LYRM7: variants seen among roughly 807,000 people sequenced by gnomAD.
The protein encoded by LYRM7 is complex III assembly factor LYRM7.
A neutral mutation model predicts 15.8 loss-of-function variants in LYRM7; 9 were observed. The observed-to-expected ratio is 0.57, with a 90% CI of 0.34 to 0.99. The LOEUF (loss-of-function observed/expected upper bound fraction) is 0.99, where lower values mean the gene tolerates loss of function less well. Ranked by LOEUF, LYRM7 falls within the 50% of genes least tolerant of loss-of-function variation. The pLI, the probability that LYRM7 is intolerant of heterozygous loss-of-function variation, is 0.02. For synonymous variants in LYRM7, 39 were observed against 39.4 expected, an observed-to-expected ratio of 0.99 and a Z score of 0.04; for missense variants, 115 against 119.1, an observed-to-expected ratio of 0.97 and a Z score of 0.16.
chr5:131,171,007 C>T lies in LYRM7; in HGVS notation c.-14C>T, dbSNP rs767706403. 9.1e-5 allele frequency: 140 copies of T among 1,544,600 alleles called. 3 individuals carry two copies. The highest frequency in any genetic ancestry group is 2.5e-5 in the South Asian group (2 of 80,886). ...TCGACTGCTCTGGAGGTAGCGGCCG[C>T]GGTGAGGAGAGCCATGGGACGGGCA... On this transcript the variant is annotated 5_prime_UTR_variant, in exon 1 of 5. Coordinates refer to ENST00000379380, the MANE Select transcript of LYRM7 (RefSeq NM_181705.4).
At chr5:131,184,293 G>A (rs2149662407) in intron 3 of LYRM7, among the ~76,000 whole-genome samples, 1 of 152,272 alleles carries the variant, frequency 6.6e-6, no homozygotes. Flanking sequence ...TTAGGTTGAA[G>A]TATATGAAGA....
chr5:131,184,523 G>T, intron 3 of LYRM7, among the ~76,000 whole-genome samples: 1 of 151,956 alleles, frequency 6.6e-6, no homozygotes, highest in East Asian at 1.9e-4. Context: ...TTAATACTAC[G>T]CCTTGACATG....
intron 4 of LYRM7, among the ~76,000 whole-genome samples, chr5:131,196,395 C>T (rs1000559985): frequency 6.6e-6 from 1 of 152,070 alleles, no homozygotes; most frequent in Admixed American, 6.6e-5. Flanking sequence ...ATTTTCCAGA[C>T]CATGTGACAC....
At chr5:131,172,868 T>C (rs1171445368) in intron 1 of LYRM7, among the ~76,000 whole-genome samples, 1 of 152,218 alleles carries the variant, frequency 6.6e-6, no homozygotes, top group Non-Finnish European at 1.5e-5. Flanking sequence ...TCATCTACAC[T>C]GCCTGAATTG....
chr5:131,172,203 C>T (rs1207987330), intron 1 of LYRM7, among the ~76,000 whole-genome samples: 1 of 152,160 alleles, frequency 6.6e-6, no homozygotes, highest in East Asian at 1.9e-4. Flanking sequence ...CACATGAGGT[C>T]GAGAGTTCGA....
At chr5:131,174,717 G>T (rs963882565) in intron 1 of LYRM7, among the ~76,000 whole-genome samples, 7 of 152,016 alleles carry the variant, frequency 4.6e-5, no homozygotes, top group Non-Finnish European at 8.8e-5. Flanking sequence ...TGTGGCATGC[G>T]CCTGTGCTCC....
intron 4 of LYRM7, among the ~76,000 whole-genome samples, chr5:131,195,718 A>G (rs756636293): frequency 6.6e-6 from 1 of 152,212 alleles, no homozygotes; most frequent in Non-Finnish European, 1.5e-5. Flanking sequence ...TGTGCATGGA[A>G]ATGACTGGAA....
At position 131,194,871 on chromosome 5, in the gene LYRM7, C is replaced by A. The variant is rs1487769705; in HGVS notation, c.245-4660C>A. Among the ~76,000 whole-genome samples, 3 of 152,194 alleles carry A rather than the reference C, an allele frequency of 2.0e-5. No homozygotes were observed. In the South Asian group the frequency reaches 6.2e-4, roughly 31 times the overall value. ...CAATTTGAAACAACCTGTTTAATGC[C>A]TTTCCAGCTTCTAAGCAGCCAGAGG... On this transcript the variant is annotated intron_variant, in intron 4 of 4. Coordinates refer to ENST00000379380, the MANE Select transcript of LYRM7 (RefSeq NM_181705.4).
intron 1 of LYRM7, among the ~76,000 whole-genome samples, chr5:131,175,820 A>T (rs1042148559): frequency 6.6e-6 from 1 of 151,548 alleles, no homozygotes; most frequent in African/African-American, 2.4e-5. Flanking sequence ...GTGCAGTGGC[A>T]CCATCTCGGC....
intron 3 of LYRM7, among the ~76,000 whole-genome samples, chr5:131,184,127 A>G (rs1267214949): frequency 6.6e-6 from 1 of 151,878 alleles, no homozygotes; most frequent in Non-Finnish European, 1.5e-5. Flanking sequence ...ATGCTACCAC[A>G]CCCAGCTAAT....
chr5:131,186,882 T>C, intron 3 of LYRM7, 146 bp from the exon 4 acceptor site: 1 of 583,658 alleles, frequency 1.7e-6, no homozygotes, highest in Middle Eastern at 4.5e-4. Flanking sequence ...CAGACCACAG[T>C]TGACCACGGA....
In LYRM7 at chr5:131,171,001, C is replaced by T. The variant is rs1474859989; in HGVS notation, c.-20C>T. On this transcript the variant is annotated 5_prime_UTR_variant, in exon 1 of 5. Coordinates refer to ENST00000379380, the MANE Select transcript of LYRM7 (RefSeq NM_181705.4). ...GGCTACTCGACTGCTCTGGAGGTAG[C>T]GGCCGCGGTGAGGAGAGCCATGGGA... 1.9e-6 allele frequency: 3 copies of T among 1,542,256 alleles called. No individual in the cohort carries two copies. Among genetic ancestry groups the T allele is most frequent in the Admixed American group, 2.2e-5 (1 of 46,284 alleles).
At chr5:131,193,736 G>A (rs1464711511) in intron 4 of LYRM7, among the ~76,000 whole-genome samples, 2 of 152,054 alleles carry the variant, frequency 1.3e-5, no homozygotes, top group Non-Finnish European at 2.9e-5. Context: ...GGCCGGGTGC[G>A]GTGGGTCACG....
rs1756026928 is a variant in LYRM7 at position 131,199,666 on chromosome 5, C to G, written c.*65C>G. 8.9e-7 allele frequency: 1 copy of G among 1,122,246 alleles called. No individual in the cohort carries two copies. The highest frequency in any genetic ancestry group is 1.3e-6 in the Non-Finnish European group (1 of 774,944). 69.5% of individuals were successfully genotyped at this position (1,122,246 alleles called of 1,614,324 possible). On this transcript the variant is annotated 3_prime_UTR_variant, in exon 5 of 5. Coordinates refer to ENST00000379380, the MANE Select transcript of LYRM7 (RefSeq NM_181705.4). ...TAAAATCTACAACTCTGGCAAAAGT[C>G]CTGGAAATGCAGACATTTTCCCTGA... is the stretch of plus-strand genomic sequence containing the variant.
At chr5:131,181,343 T>A (rs1755695399) in intron 2 of LYRM7, among the ~76,000 whole-genome samples, 1 of 51,912 alleles carries the variant, frequency 1.9e-5, no homozygotes. Flanking sequence ...ATATATAACA[T>A]ATATGTTATA....
intron 1 of LYRM7, among the ~76,000 whole-genome samples, chr5:131,174,474 C>T (rs1755567173): frequency 6.6e-6 from 1 of 152,202 alleles, no homozygotes; most frequent in Non-Finnish European, 1.5e-5. Flanking sequence ...AATGGTGAAT[C>T]CTTCCCAGGA....
At chr5:131,189,397 C>T (rs1048910227) in intron 4 of LYRM7, among the ~76,000 whole-genome samples, 14 of 125,976 alleles carry the variant, frequency 1.1e-4, no homozygotes, top group Admixed American at 3.2e-4. Context: ...GAGTCAAGAT[C>T]GAGCCACTGC....
At chr5:131,197,902 A>T (rs905840644) in intron 4 of LYRM7, among the ~76,000 whole-genome samples, 9 of 151,466 alleles carry the variant, frequency 5.9e-5, no homozygotes, top group Admixed American at 1.3e-4. Context: ...ATATATTTTT[A>T]AAACCTTTTT....
intron 2 of LYRM7, among the ~76,000 whole-genome samples, chr5:131,180,941 A>G (rs1755681082): frequency 6.6e-6 from 1 of 152,052 alleles, no homozygotes; most frequent in Non-Finnish European, 1.5e-5. Context: ...CCTGGGATTT[A>G]GTCTAAGCAG....
Sources: allele counts gnomAD v4.1 joint callset (sites outside exome capture counted in the v4.1 genomes callset), GRCh38; gene constraint gnomAD v4.1.1; transcripts MANE v1.5; gene names NCBI Gene and HGNC (gene_info 2026-07-23, HGNC 2026-07-21).